The following TBC1D14 variants were observed in gnomAD, a reference collection of about 807,000 sequenced individuals.
TBC1D14 encodes TBC1 domain family, member 14.
In TBC1D14, 26 loss-of-function variants were observed where a neutral mutation model predicts 79.0. The observed-to-expected ratio is 0.33, with a 90% CI of 0.24 to 0.46. The LOEUF (loss-of-function observed/expected upper bound fraction) is 0.46, where lower values mean the gene tolerates loss of function less well. Ranked by LOEUF, TBC1D14 falls within the 20% of genes least tolerant of loss-of-function variation. TBC1D14 has a pLI of 1.00. For missense variants in TBC1D14, 769 were observed against 887.6 expected, an observed-to-expected ratio of 0.87 and a Z score of 1.70; for synonymous variants, 394 against 349.9, an observed-to-expected ratio of 1.13 and a Z score of -1.40.
In TBC1D14 at chr4:6,920,250, G is replaced by A. The variant is rs184541978; in HGVS notation, c.-17-3123G>A. Among the ~76,000 whole-genome samples the A allele has an allele frequency of 1.8e-3, 273 of 151,670 alleles. 1 individual carries two copies. Among genetic ancestry groups the A allele is most frequent in the African/African-American group, 6.4e-3 (265 of 41,326 alleles). On this transcript the variant is annotated intron_variant, in intron 1 of 13. Transcript: ENST00000409757. ...TGGCTCCTTCAATCTCTGGGAAGGAGGGAGATTAGTCCCCTCCCTTTCTCT... is the reference window on the plus strand; with the variant it reads ...TGGCTCCTTCAATCTCTGGGAAGGAAGGAGATTAGTCCCCTCCCTTTCTCT...
chr4:7,030,247 T>C, intron 13 of TBC1D14, 80 bp from the exon 14 acceptor site: 1 of 1,384,168 alleles, frequency 7.2e-7, no homozygotes, highest in Non-Finnish European at 1.0e-6. Flanking sequence ...GTTAGGAGGC[T>C]ACTGCTGTCT....
rs187339913 is a variant in TBC1D14 at position 6,975,743 on chromosome 4, A to G, written c.843+8319A>G. On this transcript the variant is annotated intron_variant, in intron 3 of 13. Coordinates refer to ENST00000409757, the MANE Select transcript of TBC1D14 (RefSeq NM_020773.3). Reference sequence around the variant, plus strand: ...GAAATAAACTAACCAGACAGGCTCAATAGCAGAATGGAGATGGTAGAGGAA... The same window carrying G: ...GAAATAAACTAACCAGACAGGCTCAGTAGCAGAATGGAGATGGTAGAGGAA... 3.0e-4 allele frequency among the ~76,000 whole-genome samples: 46 copies of G among 152,358 alleles called. No individual in the cohort carries two copies. The East Asian group carries it at 8.1e-3, about 27-fold the overall frequency.
intron 4 of TBC1D14, 36 bp downstream of exon 4, chr4:6,994,338 T>C: frequency 1.9e-6 from 3 of 1,586,914 alleles, no homozygotes; most frequent in Non-Finnish European, 1.7e-6. Context: ...AGTGTTTGCT[T>C]TAGGAAATAA....
intron 10 of TBC1D14, 44 bp from the exon 11 acceptor site, chr4:7,010,609 C>T: frequency 2.5e-6 from 4 of 1,599,266 alleles, no homozygotes; most frequent in South Asian, 1.1e-5. Flanking sequence ...TACGGTGACC[C>T]TGTGGCCACT....
chr4:6,972,992 G>T (rs990428987), intron 3 of TBC1D14, among the ~76,000 whole-genome samples: 1 of 152,210 alleles, frequency 6.6e-6, no homozygotes, highest in African/African-American at 2.4e-5. Flanking sequence ...TGACGTCGTT[G>T]TTGGAAATGA....
At chr4:6,928,913 A>G (rs142987347) in intron 2 of TBC1D14, among the ~76,000 whole-genome samples, 1,732 of 152,260 alleles carry the variant, frequency 0.011, 17 homozygotes, top group Middle Eastern at 0.041. Context: ...TGTCTAGTCT[A>G]TGTTTTTATG....
chr4:6,978,369 G>A (rs1268149315), intron 3 of TBC1D14, among the ~76,000 whole-genome samples: 1 of 149,620 alleles, frequency 6.7e-6, no homozygotes, highest in African/African-American at 2.5e-5. Flanking sequence ...GGTAGACATG[G>A]GAGACTTCTC....
At chr4:6,944,233 A>G (rs1313009910) in intron 2 of TBC1D14, among the ~76,000 whole-genome samples, 4 of 152,052 alleles carry the variant, frequency 2.6e-5, no homozygotes. Context: ...TGCTGTTTCC[A>G]TCGTTTGGTG....
intron 3 of TBC1D14, among the ~76,000 whole-genome samples, chr4:6,983,581 A>G (rs961173246): frequency 6.6e-6 from 1 of 152,228 alleles, no homozygotes; most frequent in African/African-American, 2.4e-5. Context: ...GAACAGGTCT[A>G]TCAGGAGATT....
At chr4:7,003,548 A>G (rs1347084141) in intron 7 of TBC1D14, among the ~76,000 whole-genome samples, 1 of 152,258 alleles carries the variant, frequency 6.6e-6, no homozygotes, top group Non-Finnish European at 1.5e-5. Flanking sequence ...AATAGTGTGC[A>G]CTGCCCAGAA....
intron 12 of TBC1D14, among the ~76,000 whole-genome samples, chr4:7,022,638 A>C (rs1245059650): frequency 6.6e-6 from 1 of 152,074 alleles, no homozygotes; most frequent in Non-Finnish European, 1.5e-5. Flanking sequence ...AGCAGTAAGC[A>C]TGGCCAGGAG....
intron 2 of TBC1D14, among the ~76,000 whole-genome samples, chr4:6,966,247 A>G (rs1234053779): frequency 6.6e-6 from 1 of 152,256 alleles, no homozygotes; most frequent in African/African-American, 2.4e-5. Flanking sequence ...TTTCTAGTCC[A>G]GCAAGATGCT....
chr4:6,978,377 C>T (rs550580272), intron 3 of TBC1D14, among the ~76,000 whole-genome samples: 7 of 149,462 alleles, frequency 4.7e-5, no homozygotes, highest in Middle Eastern at 3.2e-3. Context: ...TGGGAGACTT[C>T]TCATTTTGTT....
chr4:6,915,545 T>G (rs984096639), intron 1 of TBC1D14, among the ~76,000 whole-genome samples: 5 of 152,124 alleles, frequency 3.3e-5, no homozygotes, highest in Admixed American at 6.5e-5. Flanking sequence ...TCCGCCACAG[T>G]GGAGACCTTG....
At chr4:6,986,935 AGTGCGACTATTTTT>A (rs1251036877) in intron 3 of TBC1D14, among the ~76,000 whole-genome samples, 1 of 152,224 alleles carries the variant, frequency 6.6e-6, no homozygotes, top group Non-Finnish European at 1.5e-5. Context: ...AGAGCTCACT[AGTGCGACTATTTTT>A]GTGCAATTTC....
At chr4:6,944,262 A>G (rs1258889205) in intron 2 of TBC1D14, among the ~76,000 whole-genome samples, 2 of 152,170 alleles carry the variant, frequency 1.3e-5, no homozygotes, top group African/African-American at 4.8e-5. Context: ...TTCTACGTAG[A>G]GGAAACATTT....
rs540594354 is a variant in TBC1D14 at position 6,941,305 on chromosome 4, C to T, written c.722+17194C>T. The stretch of plus-strand genomic sequence containing the variant: ...GGTTCTCGCGATTCTCCTGCCTCAG[C>T]CTCCCGGGTAGCTGGGACTACAGGC... On this transcript the variant is annotated intron_variant, in intron 2 of 13. Transcript: ENST00000409757. Among the ~76,000 whole-genome samples the T allele has an allele frequency of 1.7e-4, 26 of 151,778 alleles. No individual in the cohort carries two copies. In the East Asian group the frequency reaches 4.8e-3, roughly 28 times the overall value.
chr4:6,926,825 G>A (rs1486776153), intron 2 of TBC1D14, among the ~76,000 whole-genome samples: 1 of 152,232 alleles, frequency 6.6e-6, no homozygotes, highest in South Asian at 2.1e-4. Flanking sequence ...TGTGGGCATC[G>A]TGAGTCTTTG....
rs969810962 is a variant in TBC1D14 at position 7,030,514 on chromosome 4, A to G, written c.*122A>G. 8.1e-6 allele frequency: 8 copies of G among 983,964 alleles called. No individual in the cohort carries two copies. The African/African-American group carries it at 1.1e-4, about 14-fold the overall frequency. 61.0% of individuals were successfully genotyped at this position (983,964 alleles called of 1,614,324 possible). ...ACGCTCTTTAAGTTTGATTCCTAACACTGGAGTTGGCCTTAAACAAAACAA... is the reference window on the plus strand; with the variant it reads ...ACGCTCTTTAAGTTTGATTCCTAACGCTGGAGTTGGCCTTAAACAAAACAA... On this transcript the variant is annotated 3_prime_UTR_variant, in exon 14 of 14. Transcript: ENST00000409757.
Sources: allele counts gnomAD v4.1 joint callset (sites outside exome capture counted in the v4.1 genomes callset), GRCh38; gene constraint gnomAD v4.1.1; transcripts MANE v1.5; gene names NCBI Gene and HGNC (gene_info 2026-07-23, HGNC 2026-07-21).